SGSM1: variants seen among roughly 807,000 people sequenced by gnomAD.
The protein encoded by SGSM1 is RUN and TBC1 domain containing 2.
SGSM1 carries 73 observed loss-of-function variants against 133.8 expected under a neutral mutation model. That is an observed-to-expected ratio of 0.55 (90% CI 0.45 to 0.66). The LOEUF is 0.66. SGSM1 is among the 30% of genes least tolerant of loss of function. SGSM1 has a pLI of 0.00. For missense variants in SGSM1, 1,213 were observed against 1,448.1 expected (o/e 0.84, Z 2.64); for synonymous variants, 563 against 573.0 (o/e 0.98, Z 0.25).
chr22:24,818,066 T>C (rs113827271), intron 2 of SGSM1, among the ~76,000 whole-genome samples: 21 of 83,446 alleles, frequency 2.5e-4, no homozygotes, highest in Non-Finnish European at 4.8e-4. Context: ...ACCCTGTCTC[T>C]ACTGAAAATA....
At chr22:24,895,640 A>G (rs1247364544) in intron 18 of SGSM1, among the ~76,000 whole-genome samples, 3 of 152,122 alleles carry the variant, frequency 2.0e-5, no homozygotes, top group Admixed American at 2.0e-4. Flanking sequence ...AATCTATAGC[A>G]ATGTTTGGTA....
chr22:24,910,183 T>C lies in SGSM1; in HGVS notation c.2819-2460T>C, dbSNP rs768829255. 1.4e-3 allele frequency among the ~76,000 whole-genome samples: 206 copies of C among 152,074 alleles called. 4 individuals carry two copies. Among genetic ancestry groups the C allele is most frequent in the Non-Finnish European group, 4.3e-4 (29 of 68,028 alleles). On this transcript the variant is annotated intron_variant, in intron 21 of 24. Transcript: ENST00000400358. Reference sequence around the variant, plus strand: ...AGAAAGACTAGTCGTTGACAGGGACTTGGGGGAGAAAGAGATGTGAAGTTG... The same window carrying C: ...AGAAAGACTAGTCGTTGACAGGGACCTGGGGGAGAAAGAGATGTGAAGTTG...
intron 14 of SGSM1, among the ~76,000 whole-genome samples, chr22:24,880,181 C>G (rs1932248967): frequency 6.6e-6 from 1 of 151,992 alleles, no homozygotes; most frequent in African/African-American, 2.4e-5. Flanking sequence ...GTCACCCAGG[C>G]TGGAGTGCAA....
chr22:24,808,539 T>C (rs1927551503), intron 2 of SGSM1, among the ~76,000 whole-genome samples: 1 of 152,166 alleles, frequency 6.6e-6, no homozygotes, highest in African/African-American at 2.4e-5. Flanking sequence ...ACGTGTAATA[T>C]GTGTCCCTGA....
At chr22:24,824,459 G>A (rs1177249956) in intron 2 of SGSM1, among the ~76,000 whole-genome samples, 8 of 152,022 alleles carry the variant, frequency 5.3e-5, no homozygotes, top group South Asian at 4.2e-4. Flanking sequence ...GCTTTGGAGC[G>A]TGCCAAAATA....
intron 9 of SGSM1, among the ~76,000 whole-genome samples, chr22:24,861,930 A>G (rs1228006801): frequency 2.0e-5 from 3 of 150,052 alleles, no homozygotes; most frequent in Non-Finnish European, 4.4e-5. Context: ...TCGGCTTCCC[A>G]GAGTCTAGAG....
intron 18 of SGSM1, among the ~76,000 whole-genome samples, chr22:24,896,367 A>C (rs1211339004): frequency 6.6e-6 from 1 of 152,162 alleles, no homozygotes; most frequent in Non-Finnish European, 1.5e-5. Context: ...AAAACACAGA[A>C]ACACATGAAA....
intron 18 of SGSM1, among the ~76,000 whole-genome samples, chr22:24,897,618 C>T (rs1286689176): frequency 1.3e-5 from 2 of 151,774 alleles, no homozygotes; most frequent in African/African-American, 2.4e-5. Flanking sequence ...CATGTGTGTG[C>T]CACCATACCA....
chr22:24,868,620 G>A (rs765549344), intron 11 of SGSM1, 81 bp downstream of exon 11: 252 of 1,610,406 alleles, frequency 1.6e-4, no homozygotes, highest in Middle Eastern at 3.3e-4. Flanking sequence ...GTGCCCTTAT[G>A]TGGCTATGTG....
intron 2 of SGSM1, among the ~76,000 whole-genome samples, chr22:24,841,320 T>G (rs1929795456): frequency 6.6e-6 from 1 of 152,248 alleles, no homozygotes; most frequent in South Asian, 2.1e-4. Flanking sequence ...ACAAAGATGC[T>G]TTGTATGATC....
chr22:24,923,653 G>T (rs1293551020), intron 24 of SGSM1, among the ~76,000 whole-genome samples: 2 of 151,658 alleles, frequency 1.3e-5, no homozygotes, highest in Non-Finnish European at 2.9e-5. Flanking sequence ...ACGGAGTTTC[G>T]CTCTTGTTGC....
chr22:24,821,522 C>A (rs1266756519), intron 2 of SGSM1, among the ~76,000 whole-genome samples: 1 of 152,106 alleles, frequency 6.6e-6, no homozygotes, highest in African/African-American at 2.4e-5. Flanking sequence ...CCTGAATGTC[C>A]CCCTGGGGAG....
At chr22:24,908,618 T>C (rs1021039006) in intron 21 of SGSM1, among the ~76,000 whole-genome samples, 3 of 151,934 alleles carry the variant, frequency 2.0e-5, no homozygotes, top group Non-Finnish European at 4.4e-5. Context: ...CTGGCTAACA[T>C]GGTGAAACCC....
intron 24 of SGSM1, among the ~76,000 whole-genome samples, chr22:24,921,739 G>A (rs1357970682): frequency 1.3e-5 from 2 of 148,702 alleles, no homozygotes; most frequent in African/African-American, 5.0e-5. Flanking sequence ...CACTCTTGTT[G>A]CCCAGGCTGG....
At chr22:24,848,788 G>A (rs1451311224) in intron 4 of SGSM1, among the ~76,000 whole-genome samples, 1 of 152,232 alleles carries the variant, frequency 6.6e-6, no homozygotes, top group East Asian at 1.9e-4. Context: ...TCCTATGTTT[G>A]CAGTCTCTGC....
chr22:24,825,738 AT>A (rs1194568769), intron 2 of SGSM1, among the ~76,000 whole-genome samples: 1 of 152,120 alleles, frequency 6.6e-6, no homozygotes, highest in Non-Finnish European at 1.5e-5. Flanking sequence ...CCTGAGAGTT[AT>A]TTTTAAAGCC....
At chr22:24,879,699 G>A (rs1169886092) in intron 14 of SGSM1, among the ~76,000 whole-genome samples, 173 bp downstream of exon 14, 1 of 152,140 alleles carries the variant, frequency 6.6e-6, no homozygotes, top group Non-Finnish European at 1.5e-5. Flanking sequence ...CAGTTTTCTT[G>A]TCTACTGACG....
chr22:24,808,094 T>C (rs1430485933), intron 2 of SGSM1, among the ~76,000 whole-genome samples: 1 of 151,476 alleles, frequency 6.6e-6, no homozygotes. Context: ...CTAGAACCTC[T>C]TATCTTTTTT....
At chr22:24,853,607 G>A (rs1031985790) in intron 5 of SGSM1, among the ~76,000 whole-genome samples, 2 of 149,422 alleles carry the variant, frequency 1.3e-5, no homozygotes, top group East Asian at 3.9e-4. Flanking sequence ...GAGGCAAAAG[G>A]CACTTCTTTT....
Sources: allele counts gnomAD v4.1 joint callset (sites outside exome capture counted in the v4.1 genomes callset), GRCh38; gene constraint gnomAD v4.1.1; transcripts MANE v1.5; gene names NCBI Gene and HGNC (gene_info 2026-07-23, HGNC 2026-07-21).